Variants in ZFYVE19 observed in about 807,000 individuals in gnomAD.
ZFYVE19 encodes the protein abscission/NoCut checkpoint regulator.
In ZFYVE19, 49 loss-of-function variants were observed where a neutral mutation model predicts 62.8. The ratio of observed to expected loss-of-function variants is 0.78; its 90% CI spans 0.62 to 0.99. The LOEUF is 0.99. Among genes scored for constraint, ZFYVE19 ranks in the 50% least tolerant of loss-of-function variants. The pLI is 0.00. For synonymous variants in ZFYVE19, 242 were observed against 234.3 expected, an observed-to-expected ratio of 1.03 and a Z score of -0.30; for missense variants, 630 against 601.9, an observed-to-expected ratio of 1.05 and a Z score of -0.49.
intron 1 of ZFYVE19, 48 bp from the exon 2 acceptor site, chr15:40,809,071 C>T: frequency 1.2e-6 from 2 of 1,605,792 alleles, no homozygotes; most frequent in African/African-American, 1.3e-5. Flanking sequence ...TGGGAGCAGC[C>T]TGCAGGGGCG....
chr15:40,814,242 C>T lies in ZFYVE19; in HGVS notation c.*16C>T, dbSNP rs1229195308. On this transcript the variant is annotated 3_prime_UTR_variant, in exon 11 of 11. Transcript: ENST00000355341. ...AGAGCACTGAAGACACCCTGGTCCT[C>T]CCGGAAGGGCAGTCCCACAGGCAGC... The T allele has an allele frequency of 6.2e-7, 1 of 1,613,858 alleles. No homozygotes were observed. The highest frequency in any genetic ancestry group is 8.5e-7 in the Non-Finnish European group (1 of 1,179,972).
intron 6 of ZFYVE19, among the ~76,000 whole-genome samples, chr15:40,811,434 C>T (rs1376589131): frequency 6.6e-6 from 1 of 152,186 alleles, no homozygotes; most frequent in East Asian, 1.9e-4. Context: ...ATTACTGGCA[C>T]CTACAGGATA....
intron 8 of ZFYVE19, 72 bp from the exon 9 acceptor site, chr15:40,813,641 G>A: frequency 1.4e-6 from 2 of 1,415,186 alleles, no homozygotes; most frequent in Non-Finnish European, 1.9e-6. Context: ...AGTCCACAGT[G>A]CACAGAAATA....
chr15:40,808,512 A>C, intron 1 of ZFYVE19: 2 of 1,337,752 alleles, frequency 1.5e-6, no homozygotes. Context: ...CAGCGTTCAA[A>C]TCTGAGCTCT....
At chr15:40,810,556 C>T in intron 5 of ZFYVE19, 93 bp from the exon 6 acceptor site, 1 of 1,507,718 alleles carries the variant, frequency 6.6e-7, no homozygotes, top group Non-Finnish European at 8.9e-7. Context: ...CCTCTCCTTT[C>T]CCTGGGCTTT....
rs1280946166 is a variant in ZFYVE19 at position 40,807,476 on chromosome 15, C to T, written c.-114C>T. Reference sequence around the variant, plus strand: ...CCGGCCTGACGGATTCGTACTACAACTCCCAAGAGTCTAAGCGCGCGTGAG... The same window carrying T: ...CCGGCCTGACGGATTCGTACTACAATTCCCAAGAGTCTAAGCGCGCGTGAG... On this transcript the variant is annotated 5_prime_UTR_variant, in exon 1 of 11. Transcript: ENST00000355341. 2 of 1,613,736 alleles carry T rather than the reference C, an allele frequency of 1.2e-6. No homozygotes were observed. The highest frequency in any genetic ancestry group is 1.7e-6 in the Non-Finnish European group (2 of 1,179,656).
Position 40,807,314 on chromosome 15 carries a change from G to A in ZFYVE19, c.-276G>A. ...ATGCCAGCAGTGGCCGAGGCGCTAG[G>A]ACAGGAAGGACCGCCAGACCTCTCA... On this transcript the variant is annotated 5_prime_UTR_variant, in exon 1 of 11. Transcript: ENST00000355341. 1.2e-6 allele frequency: 2 copies of A among 1,614,126 alleles called. No individual in the cohort carries two copies. The highest frequency in any genetic ancestry group is 1.7e-6 in the Non-Finnish European group (2 of 1,179,988).
chr15:40,808,272 C>T (rs983915417), intron 1 of ZFYVE19: 2 of 1,597,264 alleles, frequency 1.3e-6, no homozygotes, highest in African/African-American at 1.3e-5. Context: ...TTCTCCAGGT[C>T]GCTGGAGTTA....
intron 1 of ZFYVE19, 126 bp from the exon 2 acceptor site, chr15:40,808,990 ACTC>A: frequency 1.4e-6 from 2 of 1,423,528 alleles, no homozygotes; most frequent in East Asian, 2.3e-5. Flanking sequence ...TAGGGGCCCC[ACTC>A]CTCTTCTTCC....
intron 1 of ZFYVE19, chr15:40,808,727 G>A (rs1890367426): frequency 3.3e-6 from 1 of 304,284 alleles, no homozygotes; most frequent in African/African-American, 2.1e-5. Context: ...GCTATTGTTA[G>A]CCCATCCTGA....
In ZFYVE19 at chr15:40,807,769, C is replaced by G. The variant is rs760020571; in HGVS notation, c.180C>G (p.Gly60=). The change falls in exon 1 of 11, where the codon GGC becomes GGG. Residue 60 remains glycine, a synonymous_variant. Coordinates refer to ENST00000355341, the MANE Select transcript of ZFYVE19 (RefSeq NM_001077268.2). ...WGEGPRGPGL[G]RRDLSSADPA... ...AGGGTCCAAGGGGCCCAGGACTTGGCCGGCGTGATCTCAGCTCTGCAGACC... is the reference window on the plus strand; with the variant it reads ...AGGGTCCAAGGGGCCCAGGACTTGGGCGGCGTGATCTCAGCTCTGCAGACC... 10 of 1,583,166 alleles carry G rather than the reference C, an allele frequency of 6.3e-6. No homozygotes were observed. In the East Asian group the frequency reaches 2.0e-4, roughly 32 times the overall value.
chr15:40,809,783 A>G (rs1251245197), intron 3 of ZFYVE19, 69 bp from the exon 4 acceptor site: 2 of 1,505,764 alleles, frequency 1.3e-6, no homozygotes, highest in African/African-American at 1.4e-5. Flanking sequence ...TTGAATGGGA[A>G]ACAGTGAGTG....
At position 40,810,095 on chromosome 15, in the gene ZFYVE19, T is replaced by A. The variant is rs370140424; in HGVS notation, c.596T>A (p.Ile199Lys). The change falls in exon 5 of 11, where the codon ATA becomes AAA. Residue 199 changes from isoleucine to lysine, a missense_variant. Ile to Lys is a moderately radical substitution (Grantham distance 102). Transcript: ENST00000355341. ...KPKLVPSQAEIEARLAALKDE... is the reference protein window; with the variant it reads ...KPKLVPSQAEKEARLAALKDE... The stretch of plus-strand genomic sequence containing the variant: ...GAGTTAGTCCCCTCACAGGCAGAGA[T>A]AGAGGCACGGCTGGCTGCCCTAAAG... 8.1e-6 allele frequency: 13 copies of A among 1,614,124 alleles called. No individual in the cohort carries two copies. Among genetic ancestry groups the A allele is most frequent in the Non-Finnish European group, 1.1e-5 (13 of 1,180,020 alleles).
intron 8 of ZFYVE19, 36 bp downstream of exon 8, chr15:40,813,453 C>T (rs778416320): frequency 9.0e-6 from 14 of 1,560,430 alleles, no homozygotes; most frequent in African/African-American, 1.4e-5. Flanking sequence ...CCCCTTGTCC[C>T]GTCTCCGCCT....
rs192472112 is a variant in ZFYVE19, at chr15:40,812,670, G to A, written c.827-29G>A. 183 of 1,589,354 alleles carry A rather than the reference G, an allele frequency of 1.2e-4. No individual in the cohort carries two copies. The African/African-American group carries it at 2.0e-3, about 17-fold the overall frequency. ...CTGAGGAGAGATACTGGGATGTCTC[G>A]GCCTTGCTGATGGCATTACCCCTTC... On this transcript the variant is annotated intron_variant, in intron 6 of 10. Coordinates refer to ENST00000355341, the MANE Select transcript of ZFYVE19 (RefSeq NM_001077268.2).
chr15:40,811,709 A>T (rs1182801187), intron 6 of ZFYVE19, among the ~76,000 whole-genome samples: 1 of 150,890 alleles, frequency 6.6e-6, no homozygotes, highest in South Asian at 2.1e-4. Flanking sequence ...GACTCTGTTT[A>T]AAAAAAAAAT....
chr15:40,808,345 C>T (rs1428918146), intron 1 of ZFYVE19: 1 of 1,597,692 alleles, frequency 6.3e-7, no homozygotes, highest in Admixed American at 1.7e-5. Context: ...CTGTCCCTAT[C>T]ACAGACCTGC....
rs1395033516 is a variant in ZFYVE19, at chr15:40,809,217, G to A, written c.378G>A (p.Lys126=). 6.2e-7 allele frequency: 1 copy of A among 1,614,210 alleles called. No individual in the cohort carries two copies. Among genetic ancestry groups the A allele is most frequent in the Non-Finnish European group, 8.5e-7 (1 of 1,180,038 alleles). The change falls in exon 2 of 11, where the codon AAG becomes AAA. Residue 126 remains lysine, a synonymous_variant. Coordinates refer to ENST00000355341, the MANE Select transcript of ZFYVE19 (RefSeq NM_001077268.2). Reference sequence around the variant, plus strand: ...GGAACACCCAACAGAAAGTCTGCAAGCAATGCCATGAGGTCCTGACCAGGT... The same window carrying A: ...GGAACACCCAACAGAAAGTCTGCAAACAATGCCATGAGGTCCTGACCAGGT... ...RTGNTQQKVC[K]QCHEVLTRGS... is the part of the protein sequence containing the mutation.
chr15:40,808,382 C>T, intron 1 of ZFYVE19: 1 of 1,596,356 alleles, frequency 6.3e-7, no homozygotes, highest in Non-Finnish European at 8.5e-7. Context: ...ACTGCAGGTT[C>T]CCTCTGCCTC....
Sources: allele counts gnomAD v4.1 joint callset (sites outside exome capture counted in the v4.1 genomes callset), GRCh38; gene constraint gnomAD v4.1.1; transcripts MANE v1.5; gene names NCBI Gene and HGNC (gene_info 2026-07-23, HGNC 2026-07-21).